The following SDK1 variants were observed in gnomAD, a reference collection of about 807,000 sequenced individuals.
SDK1 encodes protein sidekick-1.
Under a neutral mutation model 245.5 loss-of-function variants are expected in SDK1, and 157 were observed. The observed-to-expected ratio is 0.64, with a 90% CI of 0.56 to 0.73. The LOEUF is 0.73. Among genes scored for constraint, SDK1 ranks in the 30% least tolerant of loss-of-function variants. SDK1 has a pLI of 0.00. For synonymous variants in SDK1, 1,647 were observed against 1,278.5 expected (o/e 1.29, Z -6.15); for missense variants, 3,583 against 3,002.3 (o/e 1.19, Z -4.52).
chr7:3,764,835 G>T (rs1260775949), intron 4 of SDK1, among the ~76,000 whole-genome samples: 1 of 151,936 alleles, frequency 6.6e-6, no homozygotes, highest in East Asian at 1.9e-4. Context: ...AAACAGATAG[G>T]AAAATCCAGC....
chr7:3,895,482 T>G (rs574481653), intron 5 of SDK1, among the ~76,000 whole-genome samples: 3 of 152,172 alleles, frequency 2.0e-5, no homozygotes, highest in Non-Finnish European at 2.9e-5. Context: ...GCTAGCCACA[T>G]TTGACCACTA....
intron 1 of SDK1, among the ~76,000 whole-genome samples, chr7:3,398,792 G>T: frequency 7.3e-6 from 1 of 137,346 alleles, no homozygotes; most frequent in Non-Finnish European, 1.5e-5. Flanking sequence ...TTTTCCTCAA[G>T]CTAGTTTATA....
chr7:3,873,848 A>T (rs899729973), intron 5 of SDK1, among the ~76,000 whole-genome samples: 9 of 152,098 alleles, frequency 5.9e-5, no homozygotes, highest in African/African-American at 1.9e-4. Context: ...GTCTGATCCT[A>T]TATGTTATTT....
At chr7:3,570,937 A>C (rs548907618) in intron 1 of SDK1, among the ~76,000 whole-genome samples, 1 of 152,182 alleles carries the variant, frequency 6.6e-6, no homozygotes, top group South Asian at 2.1e-4. Flanking sequence ...GTGTTTATGC[A>C]TGAATTTTTC....
At chr7:4,031,506 A>C (rs1433033466) in intron 17 of SDK1, among the ~76,000 whole-genome samples, 1 of 152,162 alleles carries the variant, frequency 6.6e-6, no homozygotes, top group Non-Finnish European at 1.5e-5. Flanking sequence ...TTAGAGCAAA[A>C]GTACAAAAAC....
chr7:3,957,694 A>G lies in SDK1; in HGVS notation c.1151-1237A>G, dbSNP rs371058300. Reference sequence around the variant, plus strand: ...TATGTATAGTTGGAATATAAATAATACTGCCTTCATGATTATTGATTGAGG... The same window carrying G: ...TATGTATAGTTGGAATATAAATAATGCTGCCTTCATGATTATTGATTGAGG... On this transcript the variant is annotated intron_variant, in intron 7 of 44. Coordinates refer to ENST00000404826, the MANE Select transcript of SDK1 (RefSeq NM_152744.4). 9.2e-5 allele frequency among the ~76,000 whole-genome samples: 14 copies of G among 152,304 alleles called. No individual in the cohort carries two copies. The South Asian group carries it at 1.0e-3, about 11-fold the overall frequency.
intron 4 of SDK1, among the ~76,000 whole-genome samples, chr7:3,811,695 G>C (rs1779387767): frequency 6.6e-6 from 1 of 152,212 alleles, no homozygotes; most frequent in Non-Finnish European, 1.5e-5. Flanking sequence ...GAGGGAGTTG[G>C]ATGTGCTGCC....
chr7:3,942,304 A>G (rs575268618), intron 5 of SDK1, among the ~76,000 whole-genome samples: 1 of 152,082 alleles, frequency 6.6e-6, no homozygotes, highest in African/African-American at 2.4e-5. Context: ...GTCCCTCCTT[A>G]TTTCACATGG....
intron 1 of SDK1, among the ~76,000 whole-genome samples, chr7:3,495,098 A>G (rs1201902987): frequency 6.6e-6 from 1 of 152,060 alleles, no homozygotes; most frequent in African/African-American, 2.4e-5. Flanking sequence ...TTGATGACAG[A>G]TGCCACCATC....
intron 5 of SDK1, among the ~76,000 whole-genome samples, chr7:3,897,973 C>T (rs921768316): frequency 6.6e-6 from 1 of 152,024 alleles, no homozygotes; most frequent in African/African-American, 2.4e-5. Context: ...CCATTTCTTG[C>T]CCTCCTTTCC....
At chr7:3,919,225 C>G (rs903868066) in intron 5 of SDK1, among the ~76,000 whole-genome samples, 1 of 152,240 alleles carries the variant, frequency 6.6e-6, no homozygotes, top group Non-Finnish European at 1.5e-5. Flanking sequence ...GGCTTCTCCC[C>G]CAGGCCATAA....
At chr7:3,646,587 G>T (rs1202239665) in intron 4 of SDK1, among the ~76,000 whole-genome samples, 1 of 152,192 alleles carries the variant, frequency 6.6e-6, no homozygotes, top group Non-Finnish European at 1.5e-5. Flanking sequence ...ACCCGGGTCT[G>T]CCTGACACTC....
At chr7:3,569,224 A>C (rs951203666) in intron 1 of SDK1, among the ~76,000 whole-genome samples, 1 of 152,202 alleles carries the variant, frequency 6.6e-6, no homozygotes, top group Non-Finnish European at 1.5e-5. Context: ...AGCGAGAAAA[A>C]CAAGGAAAAA....
At chr7:3,517,595 C>G (rs1235838210) in intron 1 of SDK1, among the ~76,000 whole-genome samples, 5 of 152,128 alleles carry the variant, frequency 3.3e-5, no homozygotes. Context: ...TCATGACTTG[C>G]AGCTCAGAGC....
At position 4,174,373 on chromosome 7, in the gene SDK1, C is replaced by G; in HGVS notation, c.4936+16C>G. The G allele has an allele frequency of 6.2e-7, 1 of 1,613,248 alleles. No individual in the cohort carries two copies. Among genetic ancestry groups the G allele is most frequent in the Non-Finnish European group, 8.5e-7 (1 of 1,179,394 alleles). On this transcript the variant is annotated intron_variant, in intron 33 of 44. Transcript: ENST00000404826. The stretch of plus-strand genomic sequence containing the variant: ...GAGCTCACAGGTGAGACTGTCCCCT[C>G]TGTCCTGGTACAGGGAGGGAGGTTC...
At chr7:3,986,909 C>T (rs1421447179) in intron 13 of SDK1, among the ~76,000 whole-genome samples, 2 of 152,152 alleles carry the variant, frequency 1.3e-5, no homozygotes, top group Admixed American at 6.5e-5. Flanking sequence ...CGTCCCCTCC[C>T]CCTATTTATG....
At chr7:3,849,550 G>A (rs1003277821) in intron 5 of SDK1, among the ~76,000 whole-genome samples, 6 of 152,148 alleles carry the variant, frequency 3.9e-5, no homozygotes. Flanking sequence ...GGTTGAGAGG[G>A]TAATTTTTGA....
At chr7:3,541,594 C>G (rs990930384) in intron 1 of SDK1, among the ~76,000 whole-genome samples, 3 of 152,208 alleles carry the variant, frequency 2.0e-5, no homozygotes, top group East Asian at 3.8e-4. Context: ...TTATATATAA[C>G]TATGGATATG....
At chr7:3,900,351 T>A (rs1416113493) in intron 5 of SDK1, among the ~76,000 whole-genome samples, 2 of 152,256 alleles carry the variant, frequency 1.3e-5, no homozygotes, top group African/African-American at 4.8e-5. Flanking sequence ...CAATTTCTCT[T>A]GCATCGTTCA....
Sources: allele counts gnomAD v4.1 joint callset (sites outside exome capture counted in the v4.1 genomes callset), GRCh38; gene constraint gnomAD v4.1.1; transcripts MANE v1.5; gene names NCBI Gene and HGNC (gene_info 2026-07-23, HGNC 2026-07-21).